Variants in RDX observed in about 807,000 individuals in gnomAD.
RDX encodes deafness, autosomal recessive 24.
In RDX, 32 loss-of-function variants were observed where a neutral mutation model predicts 83.7. The observed-to-expected ratio is 0.38, with a 90% CI of 0.29 to 0.51. The LOEUF (loss-of-function observed/expected upper bound fraction) is 0.51, where lower values mean the gene tolerates loss of function less well. Ranked by LOEUF, RDX falls within the 20% of genes least tolerant of loss-of-function variation. The pLI, the probability that RDX is intolerant of heterozygous loss-of-function variation, is 0.87. For missense variants in RDX, 600 were observed against 689.9 expected, an observed-to-expected ratio of 0.87 and a Z score of 1.46; for synonymous variants, 229 against 222.7, an observed-to-expected ratio of 1.03 and a Z score of -0.25.
At chr11:110,269,881 T>C (rs910142471) in intron 3 of RDX, among the ~76,000 whole-genome samples, 1 of 151,198 alleles carries the variant, frequency 6.6e-6, no homozygotes, top group African/African-American at 2.4e-5. Context: ...CTACCAAAAA[T>C]ACAAAAAAAA....
intron 1 of RDX, among the ~76,000 whole-genome samples, chr11:110,295,960 A>C (rs1388335655): frequency 1.3e-5 from 2 of 152,230 alleles, no homozygotes; most frequent in African/African-American, 4.8e-5. Flanking sequence ...CTAGTAATTT[A>C]ACACCCCTCC....
At chr11:110,259,243 CA>C in intron 5 of RDX, among the ~76,000 whole-genome samples, 1 of 152,216 alleles carries the variant, frequency 6.6e-6, no homozygotes, top group Admixed American at 6.5e-5. Flanking sequence ...CAGCCAAATA[CA>C]AACATTATAT....
At chr11:110,214,992 A>T (rs1340083398) in intron 14 of RDX, among the ~76,000 whole-genome samples, 51 of 135,318 alleles carry the variant, frequency 3.8e-4, no homozygotes, top group Middle Eastern at 3.8e-3. Flanking sequence ...AAAGTATAAT[A>T]AAAAAAAAAT....
At position 110,263,955 on chromosome 11, in the gene RDX, C is replaced by A; in HGVS notation, c.467+5G>T. 1 of 1,612,504 alleles carries A rather than the reference C, an allele frequency of 6.2e-7. No individual in the cohort carries two copies. The highest frequency in any genetic ancestry group is 8.5e-7 in the Non-Finnish European group (1 of 1,178,786). ...CAATATAATGCAAACGCATGTTTCA[C>A]TTACCGCTGGGGTAGGAGTCTATCA... On this transcript the variant is annotated splice_donor_5th_base_variant and intron_variant, in intron 5 of 13. Transcript: ENST00000645495.
chr11:110,188,332 T>TAAC (rs769387505), intron 15 of RDX, among the ~76,000 whole-genome samples: 37 of 148,832 alleles, frequency 2.5e-4, no homozygotes, highest in Admixed American at 1.6e-3. Flanking sequence ...ATAATAATAA[T>TAAC]AATAACAATA....
chr11:110,220,972 G>C (rs1453594255), intron 14 of RDX, among the ~76,000 whole-genome samples: 1 of 151,288 alleles, frequency 6.6e-6, no homozygotes, highest in East Asian at 1.9e-4. Context: ...ATAGGCTACA[G>C]AGTCTATATT....
At chr11:110,210,331 G>A (rs1338227975) in intron 14 of RDX, among the ~76,000 whole-genome samples, 4 of 120,780 alleles carry the variant, frequency 3.3e-5, no homozygotes, top group African/African-American at 1.4e-4. Flanking sequence ...AAGAAATATG[G>A]GACTATGTGA....
intron 1 of RDX, among the ~76,000 whole-genome samples, chr11:110,289,956 CAAAAAAAAAAAAAAA>C (rs58146009): frequency 2.8e-5 from 1 of 35,486 alleles, no homozygotes; most frequent in Admixed American, 4.8e-4. Flanking sequence ...GAGACTGTCT[CAAAAAAAAAAAAAAA>C]AAAAAAAAAA....
intron 3 of RDX, among the ~76,000 whole-genome samples, chr11:110,270,260 G>C (rs1006273654): frequency 6.6e-6 from 1 of 152,070 alleles, no homozygotes; most frequent in South Asian, 2.1e-4. Flanking sequence ...TACACACCTA[G>C]ACTATATGGT....
chr11:110,239,553 A>T (rs1864998470), intron 10 of RDX, among the ~76,000 whole-genome samples: 1 of 152,238 alleles, frequency 6.6e-6, no homozygotes, highest in Non-Finnish European at 1.5e-5. Context: ...AAAGACGTAC[A>T]AATGGCCAAA....
chr11:110,199,599 T>C (rs1404546092), exon 15 of RDX: 2 of 702,918 alleles, frequency 2.8e-6, no homozygotes, highest in Admixed American at 4.0e-5. Context: ...GGAGGGAGCC[T>C]TCTTCCTAAG....
chr11:110,272,704 TA>T (rs1015726194), intron 2 of RDX, 85 bp from the exon 3 acceptor site: 3 of 894,248 alleles, frequency 3.4e-6, no homozygotes, highest in East Asian at 5.3e-5. Context: ...ATTAAAGTGA[TA>T]AAGTTTTATT....
At chr11:110,177,026 G>A (rs1380284090) in intron 15 of RDX, among the ~76,000 whole-genome samples, 1 of 152,220 alleles carries the variant, frequency 6.6e-6, no homozygotes, top group East Asian at 1.9e-4. Flanking sequence ...GACCCTCTGA[G>A]AGGCTCAGAG....
intron 5 of RDX, among the ~76,000 whole-genome samples, chr11:110,261,187 T>C (rs145423816): frequency 3.1e-4 from 47 of 152,356 alleles, no homozygotes; most frequent in African/African-American, 9.6e-4. Flanking sequence ...CTTGGTTATA[T>C]TGCACATATT....
At chr11:110,238,278 T>G (rs182490397) in intron 10 of RDX, among the ~76,000 whole-genome samples, 1 of 152,226 alleles carries the variant, frequency 6.6e-6, no homozygotes, top group East Asian at 1.9e-4. Flanking sequence ...ATAAGCAATA[T>G]TGGGAGATAA....
intron 10 of RDX, among the ~76,000 whole-genome samples, chr11:110,240,969 T>C (rs1242843465): frequency 7.4e-6 from 1 of 134,368 alleles, no homozygotes; most frequent in Non-Finnish European, 1.5e-5. Flanking sequence ...GGCAGGAGAA[T>C]CACTTAAACC....
intron 1 of RDX, among the ~76,000 whole-genome samples, chr11:110,291,775 A>G (rs1484588521): frequency 1.3e-5 from 2 of 152,084 alleles, no homozygotes; most frequent in African/African-American, 2.4e-5. Context: ...TTGGAAAGAG[A>G]AGGAGTCCTT....
intron 3 of RDX, among the ~76,000 whole-genome samples, chr11:110,269,899 G>T (rs927600356): frequency 6.6e-6 from 1 of 151,934 alleles, no homozygotes; most frequent in Non-Finnish European, 1.5e-5. Flanking sequence ...AAAATTAGCC[G>T]GGCATGGTGG....
chr11:110,263,724 C>A (rs1206557345), intron 5 of RDX, among the ~76,000 whole-genome samples: 1 of 151,614 alleles, frequency 6.6e-6, no homozygotes, highest in Non-Finnish European at 1.5e-5. Context: ...AAAAAATTAG[C>A]GGACATAATG....
Sources: allele counts gnomAD v4.1 joint callset (sites outside exome capture counted in the v4.1 genomes callset), GRCh38; gene constraint gnomAD v4.1.1; transcripts MANE v1.5; gene names NCBI Gene and HGNC (gene_info 2026-07-23, HGNC 2026-07-21).